Variants in SHOC1 observed in about 807,000 individuals in gnomAD.
SHOC1 encodes shortage in chiasmata 1, also known as protein shortage in chiasmata 1 ortholog.
SHOC1 carries 136 observed loss-of-function variants against 179.2 expected under a neutral mutation model. The ratio of observed to expected loss-of-function variants is 0.76; its 90% CI spans 0.66 to 0.87. The LOEUF (loss-of-function observed/expected upper bound fraction) is 0.87. Ranked by LOEUF, SHOC1 falls within the 40% of genes least tolerant of loss-of-function variation. SHOC1 has a pLI of 0.00. For synonymous variants in SHOC1, 489 were observed against 586.6 expected, an observed-to-expected ratio of 0.83 and a Z score of 2.41; for missense variants, 1,538 against 1,700.8, an observed-to-expected ratio of 0.90 and a Z score of 1.68.
In SHOC1 at chr9:111,722,636, C is replaced by T. The variant is rs369983085; in HGVS notation, c.1955-51G>A. 1,254 of 1,450,320 alleles carry T rather than the reference C, an allele frequency of 8.6e-4. 1 individual carries two copies. The highest frequency in any genetic ancestry group is 1.1e-3 in the Non-Finnish European group (1,208 of 1,070,088). 89.8% of individuals were successfully genotyped at this position (1,450,320 alleles called of 1,614,324 possible). Reference sequence around the variant, plus strand: ...AGTGTTTTAATAAAGATGGTATGCTCTTTTTGATGAACCAATTAAATGTTA... The same window carrying T: ...AGTGTTTTAATAAAGATGGTATGCTTTTTTTGATGAACCAATTAAATGTTA... On this transcript the variant is annotated intron_variant, in intron 14 of 27. Coordinates refer to ENST00000682961, the MANE Select transcript of SHOC1 (RefSeq NM_001378211.1).
intron 11 of SHOC1, among the ~76,000 whole-genome samples, chr9:111,739,943 C>G (rs538063199): frequency 1.3e-5 from 2 of 152,120 alleles, no homozygotes; most frequent in Non-Finnish European, 2.9e-5. Context: ...TTACTTTTGT[C>G]TCTATGTGTT....
At chr9:111,759,745 G>A (rs1446987636) in intron 5 of SHOC1, among the ~76,000 whole-genome samples, 1 of 152,186 alleles carries the variant, frequency 6.6e-6, no homozygotes, top group African/African-American at 2.4e-5. Context: ...GACGCTGAAT[G>A]GCATAAGAAA....
At chr9:111,786,503 AT>A (rs34413616) in intron 2 of SHOC1, among the ~76,000 whole-genome samples, 6,952 of 110,154 alleles carry the variant, frequency 0.063, 394 homozygotes, top group African/African-American at 0.18. Flanking sequence ...TGCTCTGCAG[AT>A]TTTTTTTTTT....
intron 10 of SHOC1, among the ~76,000 whole-genome samples, chr9:111,745,804 C>A (rs1330550666): frequency 1.3e-5 from 2 of 152,200 alleles, no homozygotes; most frequent in Non-Finnish European, 2.9e-5. Flanking sequence ...GCAGTGACTG[C>A]CAGTAGAGAC....
At chr9:111,757,201 C>G (rs955772949) in intron 7 of SHOC1, among the ~76,000 whole-genome samples, 5 of 152,138 alleles carry the variant, frequency 3.3e-5, no homozygotes, top group African/African-American at 9.7e-5. Context: ...CTCCTGGGTT[C>G]ACGCCATTCT....
intron 3 of SHOC1, among the ~76,000 whole-genome samples, chr9:111,781,678 G>A (rs1342555393): frequency 6.6e-6 from 1 of 152,024 alleles, no homozygotes; most frequent in Non-Finnish European, 1.5e-5. Flanking sequence ...AGCAGAGATT[G>A]TGCCATGGCA....
intron 2 of SHOC1, among the ~76,000 whole-genome samples, chr9:111,788,532 G>C (rs902009696): frequency 5.3e-5 from 8 of 152,170 alleles, no homozygotes; most frequent in African/African-American, 1.9e-4. Context: ...AACTGAGAAA[G>C]TCAAGGCCCC....
chr9:111,753,249 ACAT>A (rs1564149032), intron 8 of SHOC1, among the ~76,000 whole-genome samples: 1 of 152,216 alleles, frequency 6.6e-6, no homozygotes, highest in Non-Finnish European at 1.5e-5. Context: ...AAAAAAATCA[ACAT>A]CAATTACTTA....
At chr9:111,689,348 A>AATTATT (rs59839154) in intron 27 of SHOC1, among the ~76,000 whole-genome samples, 13 of 146,548 alleles carry the variant, frequency 8.9e-5, no homozygotes, top group Admixed American at 5.5e-4. Context: ...TAATAATAAT[A>AATTATT]ATTATTATTA....
Position 111,758,705 on chromosome 9 carries a change from T to C in SHOC1, c.586A>G (p.Asn196Asp), listed in dbSNP as rs1010544297. ...DFKGQIFTEA[N>D]FSRECFSLQE... ...CAATTAAGTAAGTACCTGGAAAAATTAGCTTCTGTGAAGATCTGTCCTTTG... is the reference window on the plus strand; with the variant it reads ...CAATTAAGTAAGTACCTGGAAAAATCAGCTTCTGTGAAGATCTGTCCTTTG... Residue 196 changes from asparagine to aspartate, a missense_variant, in exon 6 of 28, where the codon AAT becomes GAT. Asn to Asp is a conservative substitution (Grantham distance 23). Transcript: ENST00000682961. 3.2e-6 allele frequency: 5 copies of C among 1,575,496 alleles called. No individual in the cohort carries two copies. Among genetic ancestry groups the C allele is most frequent in the Non-Finnish European group, 3.4e-6 (4 of 1,168,984 alleles).
chr9:111,738,351 C>T lies in SHOC1; in HGVS notation c.1346G>A (p.Cys449Tyr). The T allele has an allele frequency of 6.2e-7, 1 of 1,612,170 alleles. No individual in the cohort carries two copies. The highest frequency in any genetic ancestry group is 1.7e-5 in the Admixed American group (1 of 59,710). ...GTCATTAGAAGACAAATTATCATGA[C>T]ATAAATATGTATTCAGATGTTCCAA... Reference protein sequence around the residue: ...ETLEHLNTYLCHDNLSSNDTK... With the variant: ...ETLEHLNTYLYHDNLSSNDTK... The change falls in exon 12 of 28, where the codon TGT becomes TAT. Residue 449 changes from cysteine to tyrosine, a missense_variant. Physicochemically the swap from Cys to Tyr is radical, Grantham distance 194. Transcript: ENST00000682961.
chr9:111,726,184 A>G (rs577605566), intron 13 of SHOC1, among the ~76,000 whole-genome samples: 1 of 152,332 alleles, frequency 6.6e-6, no homozygotes, highest in East Asian at 1.9e-4. Context: ...TGGTAAGGTA[A>G]GTTATAAGGT....
rs978500598 is a variant in SHOC1 at position 111,727,990 on chromosome 9, T to C, written c.1477A>G (p.Asn493Asp). The C allele has an allele frequency of 2.5e-6, 4 of 1,608,202 alleles. No individual in the cohort carries two copies. The African/African-American group carries it at 5.4e-5, about 22-fold the overall frequency. ...PIALIDEKST[N>D]AHLSLPQKSP... ...TTTTGTGGAAGTGATAAATGAGCATTTGTAGATTTTTCATCAATAAGTGCA... is the reference window on the plus strand; with the variant it reads ...TTTTGTGGAAGTGATAAATGAGCATCTGTAGATTTTTCATCAATAAGTGCA... The change falls in exon 13 of 28, where the codon AAT becomes GAT. Residue 493 changes from asparagine (N) to aspartate (D), a missense_variant. Transcript: ENST00000682961.
rs1161966391 is a variant in SHOC1 at position 111,723,924 on chromosome 9, A to G, written c.1835-13T>C. ...CATGCTTCTTTATCTTGAAATTCCA[A>G]TAAAAAATATAAATTTTTGTTGTTC... On this transcript the variant is annotated splice_polypyrimidine_tract_variant and intron_variant, in intron 13 of 27. Transcript: ENST00000682961. 3.4e-6 allele frequency: 5 copies of G among 1,482,354 alleles called. No individual in the cohort carries two copies. Among genetic ancestry groups the G allele is most frequent in the African/African-American group, 1.4e-5 (1 of 70,460 alleles). 91.8% of individuals were successfully genotyped at this position (1,482,354 alleles called of 1,614,324 possible).
chr9:111,701,812 A>G (rs1290659066), intron 23 of SHOC1, among the ~76,000 whole-genome samples: 1 of 152,176 alleles, frequency 6.6e-6, no homozygotes, highest in East Asian at 1.9e-4. Context: ...AATTTAGTAC[A>G]GTAGTTAGAC....
At chr9:111,745,812 GAC>G (rs1057057926) in intron 10 of SHOC1, among the ~76,000 whole-genome samples, 5 of 152,216 alleles carry the variant, frequency 3.3e-5, no homozygotes, top group African/African-American at 1.2e-4. Flanking sequence ...TGCCAGTAGA[GAC>G]AGTGCCATTA....
chr9:111,780,943 C>T lies in SHOC1; in HGVS notation c.244G>A (p.Asp82Asn). 1.9e-6 allele frequency: 3 copies of T among 1,612,122 alleles called. No individual in the cohort carries two copies. The highest frequency in any genetic ancestry group is 1.7e-6 in the Non-Finnish European group (2 of 1,178,802). ...AAGGATACATACTTCTCAAGGAAAT[C>T]CTCCACAAAGAAACTTGCTTTCCAT... ...DQWKASFFVE[D>N]FLEKKTITRM... The change falls in exon 4 of 28, where the codon GAT (aspartate) becomes AAT (asparagine). Residue 82 changes from aspartate to asparagine, a missense_variant. Physicochemically the swap from Asp to Asn is conservative, Grantham distance 23. Coordinates refer to ENST00000682961, the MANE Select transcript of SHOC1 (RefSeq NM_001378211.1).
At chr9:111,709,097 T>C (rs1248842724) in intron 18 of SHOC1, among the ~76,000 whole-genome samples, 1 of 152,234 alleles carries the variant, frequency 6.6e-6, no homozygotes, top group East Asian at 1.9e-4. Flanking sequence ...TCCCAGCACT[T>C]TGGGAGGCAG....
chr9:111,688,377 T>C (rs1260059510), intron 27 of SHOC1, among the ~76,000 whole-genome samples: 2 of 152,202 alleles, frequency 1.3e-5, no homozygotes, highest in South Asian at 2.1e-4. Context: ...ATTATTTATA[T>C]ATGGATATCC....
Sources: allele counts gnomAD v4.1 joint callset (sites outside exome capture counted in the v4.1 genomes callset), GRCh38; gene constraint gnomAD v4.1.1; transcripts MANE v1.5; gene names NCBI Gene and HGNC (gene_info 2026-07-23, HGNC 2026-07-21).